The following GOLGA4 variants were observed in gnomAD, a reference collection of about 807,000 sequenced individuals.
The protein encoded by GOLGA4 is golgin A4.
Under a neutral mutation model 265.9 loss-of-function variants are expected in GOLGA4, and 169 were observed. That is an observed-to-expected ratio of 0.64 (90% CI 0.56 to 0.72). The LOEUF (loss-of-function observed/expected upper bound fraction) is 0.72. Ranked by LOEUF, GOLGA4 falls within the 30% of genes least tolerant of loss-of-function variation. GOLGA4 has a pLI of 0.00. For synonymous variants in GOLGA4, 923 were observed against 855.8 expected (o/e 1.08, Z -1.37); for missense variants, 2,482 against 2,483.4 (o/e 1.00, Z 0.01).
At chr3:37,363,322 A>T (rs1282037376) in intron 23 of GOLGA4, among the ~76,000 whole-genome samples, 1 of 152,214 alleles carries the variant, frequency 6.6e-6, no homozygotes, top group African/African-American at 2.4e-5. Flanking sequence ...TCCTTTTAAA[A>T]TAATACTGCA....
At chr3:37,267,059 C>T (rs2096785653) in intron 2 of GOLGA4, 5 of 361,002 alleles carry the variant, frequency 1.4e-5, no homozygotes, top group Middle Eastern at 6.1e-4. Context: ...CTTCAGTGTC[C>T]TGTTGCTAAC....
intron 6 of GOLGA4, among the ~76,000 whole-genome samples, chr3:37,295,425 C>T (rs932431624): frequency 3.3e-5 from 5 of 152,096 alleles, no homozygotes; most frequent in African/African-American, 1.2e-4. Flanking sequence ...CACTATGTCG[C>T]CCAGGCTGGT....
At position 37,325,398 on chromosome 3, in the gene GOLGA4, T is replaced by C. The variant is rs750943412; in HGVS notation, c.3512T>C (p.Val1171Ala). Residue 1171 changes from valine (V) to alanine (A), a missense_variant, in exon 14 of 24, where the codon GTT becomes GCT. Coordinates refer to ENST00000361924, the MANE Select transcript of GOLGA4 (RefSeq NM_002078.5). ...CTGGCAGAAGAAGATAAGCGGAAGG[T>C]TTCTGAGTTGACTAGCAAGTTGAAA... is the stretch of plus-strand genomic sequence containing the variant. ...KMLAEEDKRK[V>A]SELTSKLKTT... 2 of 1,611,950 alleles carry C rather than the reference T, an allele frequency of 1.2e-6. No homozygotes were observed. Among genetic ancestry groups the C allele is most frequent in the South Asian group, 1.1e-5 (1 of 90,460 alleles).
At chr3:37,287,787 C>T (rs1305893650) in intron 4 of GOLGA4, among the ~76,000 whole-genome samples, 1 of 152,128 alleles carries the variant, frequency 6.6e-6, no homozygotes, top group Non-Finnish European at 1.5e-5. Context: ...GGGAAAAGAA[C>T]TTTGGTTTTT....
At chr3:37,275,965 A>G in intron 2 of GOLGA4, 1 of 1,613,478 alleles carries the variant, frequency 6.2e-7, no homozygotes, top group East Asian at 2.2e-5. Flanking sequence ...AAAAGAAGAA[A>G]GAACCTGCAA....
intron 2 of GOLGA4, among the ~76,000 whole-genome samples, chr3:37,271,915 C>CA (rs1249772762): frequency 1.3e-5 from 2 of 152,122 alleles, no homozygotes; most frequent in Admixed American, 6.6e-5. Context: ...ATTAGATTGT[C>CA]ATAGGAGCGT....
chr3:37,296,024 G>T, intron 6 of GOLGA4, 63 bp from the exon 7 acceptor site: 1 of 1,443,898 alleles, frequency 6.9e-7, no homozygotes, highest in Non-Finnish European at 9.7e-7. Context: ...AGATACCAAG[G>T]GACAATTGTA....
chr3:37,366,175 C>A lies in GOLGA4; in HGVS notation c.*129C>A. On this transcript the variant is annotated 3_prime_UTR_variant, in exon 24 of 24. Transcript: ENST00000361924. ...TGCTACTCTTTGAGAATGAAGTTGT[C>A]ATTCAGGGCCCCTCATGTAGCCAAA... is the stretch of plus-strand genomic sequence containing the variant. The A allele has an allele frequency of 8.1e-7, 1 of 1,231,414 alleles. No individual in the cohort carries two copies. Among genetic ancestry groups the A allele is most frequent in the Non-Finnish European group, 1.1e-6 (1 of 901,452 alleles). The allele number at this position is 1,231,414 out of a possible 1,614,324, so 76.3% of individuals were successfully genotyped here.
At position 37,326,280 on chromosome 3, in the gene GOLGA4, T is replaced by C; in HGVS notation, c.4394T>C (p.Ile1465Thr). The C allele has an allele frequency of 6.2e-7, 1 of 1,613,028 alleles. No individual in the cohort carries two copies. The highest frequency in any genetic ancestry group is 8.5e-7 in the Non-Finnish European group (1 of 1,179,434). Residue 1465 changes from isoleucine to threonine, a missense_variant, in exon 14 of 24, where the codon ATC becomes ACC. By Grantham distance (89) the Ile-to-Thr change is moderately conservative. Transcript: ENST00000361924. ...QHQNTVKELQ[I>T]QLELKSKEAY... ...CAAAACACTGTTAAAGAATTGCAGATCCAGCTTGAGTTAAAATCAAAGGAA... is the reference window on the plus strand; with the variant it reads ...CAAAACACTGTTAAAGAATTGCAGACCCAGCTTGAGTTAAAATCAAAGGAA...
intron 3 of GOLGA4, among the ~76,000 whole-genome samples, chr3:37,284,273 T>A (rs1010935275): frequency 3.3e-5 from 5 of 151,960 alleles, no homozygotes; most frequent in African/African-American, 4.8e-5. Flanking sequence ...ACCATTTTTC[T>A]TTTTTTTGTG....
Position 37,326,923 on chromosome 3 carries a change from A to G in GOLGA4, c.5037A>G (p.Thr1679=). The G allele has an allele frequency of 6.2e-7, 1 of 1,613,958 alleles. No individual in the cohort carries two copies. Among genetic ancestry groups the G allele is most frequent in the Non-Finnish European group, 8.5e-7 (1 of 1,179,830 alleles). The part of the protein sequence containing the change: ...GTESHLSELN[T]KLQEREREVH... ...AAAGCCATTTGAGTGAGCTAAATACAAAATTGCAGGAAAGAGAAAGGGAAG... is the reference window on the plus strand; with the variant it reads ...AAAGCCATTTGAGTGAGCTAAATACGAAATTGCAGGAAAGAGAAAGGGAAG... The change falls in exon 14 of 24, where the codon ACA becomes ACG. Residue 1679 remains threonine, a synonymous_variant. Transcript: ENST00000361924.
chr3:37,301,119 A>G (rs933741376), intron 9 of GOLGA4, among the ~76,000 whole-genome samples: 1 of 152,208 alleles, frequency 6.6e-6, no homozygotes, highest in African/African-American at 2.4e-5. Flanking sequence ...CCCTGTGGAG[A>G]GGGTGCTAAT....
chr3:37,302,885 T>TC (rs1482807947), intron 10 of GOLGA4: 1 of 152,338 alleles, frequency 6.6e-6, no homozygotes, highest in Non-Finnish European at 1.5e-5. Context: ...AGCATAGTAT[T>TC]CAACAAGGTA....
intron 4 of GOLGA4, chr3:37,287,733 T>C (rs1034479746): frequency 4.6e-5 from 7 of 152,232 alleles, no homozygotes; most frequent in African/African-American, 1.7e-4. Flanking sequence ...TAAAATTTTA[T>C]ATTTGAAACT....
At chr3:37,302,460 C>A (rs1226586139) in intron 10 of GOLGA4, 128 bp downstream of exon 10, 1 of 793,466 alleles carries the variant, frequency 1.3e-6, no homozygotes, top group Non-Finnish European at 2.0e-6. Context: ...TAATAAGACA[C>A]CCATCTGCTC....
Position 37,323,845 on chromosome 3 carries a change from A to G in GOLGA4, c.1959A>G (p.Lys653=). ...TTAGGGAAAAGTGTGAACAAGAAAA[A>G]GAAACATTGTTGAAAGACAAAGAGA... The part of the protein sequence containing the change: ...EKLREKCEQE[K]ETLLKDKEII... The change falls in exon 14 of 24, where the codon AAA becomes AAG. Residue 653 remains lysine, a synonymous_variant. Transcript: ENST00000361924. 1 of 1,610,458 alleles carries G rather than the reference A, an allele frequency of 6.2e-7. No individual in the cohort carries two copies. Among genetic ancestry groups the G allele is most frequent in the Non-Finnish European group, 8.5e-7 (1 of 1,179,232 alleles).
chr3:37,248,253 G>A, intron 1 of GOLGA4, among the ~76,000 whole-genome samples: 1 of 152,168 alleles, frequency 6.6e-6, no homozygotes, highest in East Asian at 1.9e-4. Flanking sequence ...GGGATTACAG[G>A]CATGAGCCAC....
chr3:37,327,087 A>G lies in GOLGA4; in HGVS notation c.5201A>G (p.Tyr1734Cys), dbSNP rs776542184. 82 of 1,613,676 alleles carry G rather than the reference A, an allele frequency of 5.1e-5. 1 individual carries two copies. Among genetic ancestry groups the G allele is most frequent in the Non-Finnish European group, 6.1e-5 (72 of 1,179,812 alleles). ...TCCCAAGGCTGTGTGCAGAAGACAT[A>G]TGAAGAAAAAATCAGTGTTTTACAA... ...ADSQGCVQKT[Y>C]EEKISVLQRN... Residue 1734 changes from tyrosine to cysteine, a missense_variant, in exon 14 of 24, where the codon TAT (tyrosine) becomes TGT (cysteine). Tyr to Cys is a radical substitution (Grantham distance 194). Transcript: ENST00000361924.
chr3:37,250,007 C>T (rs1445012050), intron 1 of GOLGA4: 1 of 152,216 alleles, frequency 6.6e-6, no homozygotes, highest in Non-Finnish European at 1.5e-5. Context: ...CTCGAAGTCT[C>T]ATGTGTTTCA....
Sources: gnomAD v4.1 joint callset for allele counts (sites outside exome capture counted in the v4.1 genomes callset) on GRCh38, gnomAD v4.1.1 for gene constraint, MANE v1.5 for transcripts, NCBI Gene and HGNC (gene_info 2026-07-23, HGNC 2026-07-21) for gene names.